The following CDK5RAP2 variants were observed in gnomAD, a reference collection of about 807,000 sequenced individuals.
CDK5RAP2 encodes the protein CDK5 regulatory subunit associated protein 2.
A neutral mutation model predicts 232.9 loss-of-function variants in CDK5RAP2; 147 were observed. That is an observed-to-expected ratio of 0.63 (90% CI 0.55 to 0.72). The LOEUF is 0.72. Ranked by LOEUF, CDK5RAP2 falls within the 30% of genes least tolerant of loss-of-function variation. The pLI, the probability that CDK5RAP2 is intolerant of heterozygous loss-of-function variation, is 0.00. For synonymous variants in CDK5RAP2, 833 were observed against 833.7 expected (o/e 1.00, Z 0.01); for missense variants, 2,195 against 2,231.5 (o/e 0.98, Z 0.33).
chr9:120,524,739 T>C (rs1249975675), intron 11 of CDK5RAP2, among the ~76,000 whole-genome samples: 1 of 152,138 alleles, frequency 6.6e-6, no homozygotes, highest in Non-Finnish European at 1.5e-5. Flanking sequence ...GCATTATTAC[T>C]TAGCACAGAG....
intron 32 of CDK5RAP2, 74 bp from the exon 33 acceptor site, chr9:120,404,187 A>G: frequency 2.1e-6 from 2 of 949,720 alleles, no homozygotes; most frequent in South Asian, 1.3e-5. Flanking sequence ...AAGAGAATAC[A>G]GTCAAGCCCC....
chr9:120,559,834 C>T (rs888074644), intron 3 of CDK5RAP2, among the ~76,000 whole-genome samples: 3 of 152,218 alleles, frequency 2.0e-5, no homozygotes, highest in South Asian at 2.1e-4. Flanking sequence ...CCCAGCTTAG[C>T]GGCAGGAAAA....
At position 120,447,953 on chromosome 9, in the gene CDK5RAP2, T is replaced by C. The variant is rs773345167; in HGVS notation, c.2967A>G (p.Leu989=). The change falls in exon 22 of 38, where the codon TTA becomes TTG. Residue 989 remains leucine (L), a synonymous_variant. Coordinates refer to ENST00000349780, the MANE Select transcript of CDK5RAP2 (RefSeq NM_018249.6). ...KTCNKQLHQK[L]ILAEAVMEGR... is the part of the protein sequence containing the mutation. ...CCTCCATCACTGCTTCAGCCAGAAT[T>C]AACTTTTGGTGAAGTTGCTTATTAC... The C allele has an allele frequency of 6.2e-7, 1 of 1,614,240 alleles. No homozygotes were observed. The highest frequency in any genetic ancestry group is 8.5e-7 in the Non-Finnish European group (1 of 1,180,038).
At chr9:120,578,630 G>A (rs1296645041) in intron 1 of CDK5RAP2, among the ~76,000 whole-genome samples, 1 of 149,636 alleles carries the variant, frequency 6.7e-6, no homozygotes, top group Non-Finnish European at 1.5e-5. Context: ...GCAGTGGCAT[G>A]AACACAGCTC....
chr9:120,515,436 T>A (rs1037889538), intron 12 of CDK5RAP2, among the ~76,000 whole-genome samples: 3 of 152,252 alleles, frequency 2.0e-5, no homozygotes, highest in Non-Finnish European at 4.4e-5. Flanking sequence ...GCATTTTGTC[T>A]TGTATAACAT....
At chr9:120,414,229 T>C (rs1043447914) in intron 28 of CDK5RAP2, among the ~76,000 whole-genome samples, 1 of 152,190 alleles carries the variant, frequency 6.6e-6, no homozygotes, top group African/African-American at 2.4e-5. Flanking sequence ...TATGAAACAA[T>C]TAAGACTGGG....
chr9:120,416,785 A>G (rs1422684634), intron 27 of CDK5RAP2, among the ~76,000 whole-genome samples: 1 of 152,236 alleles, frequency 6.6e-6, no homozygotes, highest in Non-Finnish European at 1.5e-5. Flanking sequence ...TATACTCAGT[A>G]TATCTTAGTA....
Position 120,394,649 on chromosome 9 carries a change from G to A in CDK5RAP2, c.5452-11C>T, listed in dbSNP as rs777456961. ...CTTCATTTCTCCAATCTAAAGAGAAGAGAAATTAGAAAAATGAACAAAGAA... is the reference window on the plus strand; with the variant it reads ...CTTCATTTCTCCAATCTAAAGAGAAAAGAAATTAGAAAAATGAACAAAGAA... On this transcript the variant is annotated splice_polypyrimidine_tract_variant and intron_variant, in intron 35 of 37. Transcript: ENST00000349780. 1.3e-6 allele frequency: 2 copies of A among 1,593,310 alleles called. No homozygotes were observed. Among genetic ancestry groups the A allele is most frequent in the Non-Finnish European group, 1.7e-6 (2 of 1,162,126 alleles).
At position 120,496,685 on chromosome 9, in the gene CDK5RAP2, G is replaced by A. The variant is rs868167524; in HGVS notation, c.1312-5208C>T. The stretch of plus-strand genomic sequence containing the variant: ...GCCAGCCGCCCCGTCCGGGAGGGAG[G>A]TGGGGGGGTCAGCCCCCTGCCCGGC... On this transcript the variant is annotated intron_variant, in intron 12 of 37. Coordinates refer to ENST00000349780, the MANE Select transcript of CDK5RAP2 (RefSeq NM_018249.6). Among the ~76,000 whole-genome samples the A allele has an allele frequency of 3.2e-3, 432 of 132,958 alleles. 1 individual carries two copies. The highest frequency in any genetic ancestry group is 0.013 in the African/African-American group (413 of 31,460). 87.2% of individuals were successfully genotyped at this position (132,958 alleles called of 152,430 possible).
intron 21 of CDK5RAP2, 120 bp downstream of exon 21, chr9:120,453,336 G>A: frequency 1.1e-6 from 1 of 907,046 alleles, no homozygotes; most frequent in Non-Finnish European, 1.7e-6. Flanking sequence ...AGTGCAAGCA[G>A]AGGGAGACAC....
chr9:120,544,214 T>A (rs537798329), intron 5 of CDK5RAP2, among the ~76,000 whole-genome samples: 1 of 152,286 alleles, frequency 6.6e-6, no homozygotes, highest in South Asian at 2.1e-4. Context: ...CAAGCCTTTG[T>A]GAGCTGAGGT....
At chr9:120,523,426 G>A (rs1375134933) in intron 11 of CDK5RAP2, among the ~76,000 whole-genome samples, 1 of 152,100 alleles carries the variant, frequency 6.6e-6, no homozygotes, top group Non-Finnish European at 1.5e-5. Context: ...TTCTAGGCAA[G>A]GAAAAAGAGA....
At position 120,414,982 on chromosome 9, in the gene CDK5RAP2, T is replaced by C. The variant is rs534638747; in HGVS notation, c.4297+58A>G. ...GTACACAGATGCTTACTCAGGCAAA[T>C]GCGTCACAGTGAAGCACTCACAGAC... On this transcript the variant is annotated intron_variant, in intron 28 of 37. Coordinates refer to ENST00000349780, the MANE Select transcript of CDK5RAP2 (RefSeq NM_018249.6). The C allele has an allele frequency of 3.7e-6, 6 of 1,600,576 alleles. No homozygotes were observed. In the East Asian group the frequency reaches 6.7e-5, roughly 18 times the overall value.
At chr9:120,516,247 T>C (rs111614259) in intron 12 of CDK5RAP2, among the ~76,000 whole-genome samples, 4,846 of 151,892 alleles carry the variant, frequency 0.032, 258 homozygotes, top group African/African-American at 0.11. Context: ...ATCATCATTC[T>C]CAGCAAACTA....
intron 12 of CDK5RAP2, among the ~76,000 whole-genome samples, chr9:120,513,620 C>T (rs1222405638): frequency 6.6e-6 from 1 of 152,210 alleles, no homozygotes; most frequent in Non-Finnish European, 1.5e-5. Context: ...AAGTTACTTT[C>T]CCCAGGAGCC....
intron 3 of CDK5RAP2, among the ~76,000 whole-genome samples, chr9:120,559,570 G>GAAAAA (rs777727216): frequency 3.3e-5 from 2 of 60,826 alleles, no homozygotes; most frequent in African/African-American, 5.9e-5. Flanking sequence ...AGAGAAACAA[G>GAAAAA]AAAAAAAAAA....
chr9:120,456,809 CA>C (rs2036804176), intron 20 of CDK5RAP2, among the ~76,000 whole-genome samples: 1 of 152,162 alleles, frequency 6.6e-6, no homozygotes, highest in African/African-American at 2.4e-5. Context: ...AAATACTTTA[CA>C]AATGGGTAGT....
intron 15 of CDK5RAP2, among the ~76,000 whole-genome samples, chr9:120,474,485 A>G (rs2037895629): frequency 6.6e-6 from 1 of 152,090 alleles, no homozygotes; most frequent in Non-Finnish European, 1.5e-5. Flanking sequence ...CCCTCATGAC[A>G]AAAAAATTAT....
chr9:120,574,372 A>T (rs1288161826), intron 1 of CDK5RAP2, among the ~76,000 whole-genome samples: 1 of 152,196 alleles, frequency 6.6e-6, no homozygotes, highest in Non-Finnish European at 1.5e-5. Context: ...CCTCAGGGAT[A>T]CTCACGAGAA....
Sources: gnomAD v4.1 joint callset for allele counts (sites outside exome capture counted in the v4.1 genomes callset) on GRCh38, gnomAD v4.1.1 for gene constraint, MANE v1.5 for transcripts, NCBI Gene and HGNC (gene_info 2026-07-23, HGNC 2026-07-21) for gene names.